THADA: variants seen among roughly 807,000 people sequenced by gnomAD.
THADA encodes the protein tRNA (32-2'-O)-methyltransferase regulator THADA.
In THADA, 213 loss-of-function variants were observed where a neutral mutation model predicts 219.8. That is an observed-to-expected ratio of 0.97 (90% CI 0.87 to 1.09). The LOEUF is 1.09. Among genes scored for constraint, THADA ranks in the 50% least tolerant of loss-of-function variants. The probability of loss-of-function intolerance (pLI) is 0.00; values close to 1 mark genes in which losing one functional copy is unlikely to be tolerated. For missense variants in THADA, 2,956 were observed against 2,311.3 expected (o/e 1.28, Z -5.72); for synonymous variants, 1,018 against 828.9 (o/e 1.23, Z -3.92).
rs1257621847 is a variant in THADA, at chr2:43,581,744, C to T, written c.718G>A (p.Asp240Asn). 6.2e-6 allele frequency: 10 copies of T among 1,607,282 alleles called. No homozygotes were observed. Among genetic ancestry groups the T allele is most frequent in the South Asian group, 3.4e-5 (3 of 89,434 alleles). Residue 240 changes from aspartate to asparagine, a missense_variant, in exon 8 of 38, where the codon GAT (aspartate) becomes AAT (asparagine). Transcript: ENST00000405975. ...LLSIFTKVLS[D>N]DDLLQTVQST... ...GTATATAATTTGTTACACTTACCAT[C>T]GCTTAAAACCTTGGTAAAAATACTC...
Position 43,591,866 on chromosome 2 carries a change from G to A in THADA, c.171+86C>T. The A allele has an allele frequency of 9.2e-6, 8 of 865,206 alleles. No homozygotes were observed. In the South Asian group the frequency reaches 1.3e-4, roughly 14 times the overall value. 53.6% of individuals were successfully genotyped at this position (865,206 alleles called of 1,614,324 possible). ...GATAAACTGATATGCAATAATTAGG[G>A]ACCAAAAACTGTCAGTGATTTTTTT... On this transcript the variant is annotated intron_variant, in intron 3 of 37. Coordinates refer to ENST00000405975, the MANE Select transcript of THADA (RefSeq NM_022065.5).
chr2:43,241,031 T>C (rs1668563920), intron 36 of THADA, among the ~76,000 whole-genome samples: 1 of 152,066 alleles, frequency 6.6e-6, no homozygotes, highest in African/African-American at 2.4e-5. Flanking sequence ...TACCTGGCCA[T>C]GATATTAAGT....
chr2:43,420,038 C>A, intron 28 of THADA, among the ~76,000 whole-genome samples: 1 of 152,336 alleles, frequency 6.6e-6, no homozygotes, highest in African/African-American at 2.4e-5. Flanking sequence ...ATAAAACTCT[C>A]CATCACAATC....
chr2:43,582,770 T>A (rs1044241130), intron 7 of THADA, among the ~76,000 whole-genome samples: 2 of 151,870 alleles, frequency 1.3e-5, no homozygotes, highest in African/African-American at 2.4e-5. Flanking sequence ...GGTTTCACCA[T>A]GTTGGCCAGG....
chr2:43,459,098 T>C (rs949400127), intron 26 of THADA, among the ~76,000 whole-genome samples: 1 of 152,174 alleles, frequency 6.6e-6, no homozygotes, highest in Non-Finnish European at 1.5e-5. Flanking sequence ...AAAATGATCA[T>C]ACTAAAGCAA....
At chr2:43,529,668 G>C (rs906076153) in intron 21 of THADA, among the ~76,000 whole-genome samples, 1 of 152,156 alleles carries the variant, frequency 6.6e-6, no homozygotes, top group African/African-American at 2.4e-5. Flanking sequence ...CAGGACCAAA[G>C]CTGTAACCAG....
At chr2:43,535,772 C>G (rs533630973) in intron 21 of THADA, among the ~76,000 whole-genome samples, 1 of 150,292 alleles carries the variant, frequency 6.7e-6, no homozygotes, top group Non-Finnish European at 1.5e-5. Context: ...TAGTCTTTAC[C>G]ATTTATTGTT....
chr2:43,575,070 G>T, intron 10 of THADA, 43 bp from the exon 11 acceptor site: 1 of 1,359,696 alleles, frequency 7.4e-7, no homozygotes, highest in Non-Finnish European at 9.9e-7. Flanking sequence ...AAACTGATTA[G>T]TAAAAGAAAT....
At chr2:43,473,674 T>G (rs28573098) in intron 26 of THADA, among the ~76,000 whole-genome samples, 1,795 of 152,024 alleles carry the variant, frequency 0.012, 39 homozygotes, top group African/African-American at 0.041. Context: ...AGTGGCGCGA[T>G]CTTGGCTCAC....
chr2:43,515,012 T>TATATATTTTATATATAATATATATAAATA (rs1558889994), intron 22 of THADA, among the ~76,000 whole-genome samples: 3 of 27,250 alleles, frequency 1.1e-4, no homozygotes, highest in African/African-American at 1.4e-4. Flanking sequence ...ATTATATATA[T>TATATATTTTATATATAATATATATAAATA]TATATATTTT....
At chr2:43,236,790 G>A (rs1429710170) in intron 36 of THADA, among the ~76,000 whole-genome samples, 2 of 150,380 alleles carry the variant, frequency 1.3e-5, no homozygotes, top group African/African-American at 4.9e-5. Context: ...GGCCGGGCAC[G>A]GTGGCTCACG....
chr2:43,422,616 C>T lies in THADA; in HGVS notation c.4058+5484G>A, dbSNP rs540698273. 2.1e-3 allele frequency among the ~76,000 whole-genome samples: 313 copies of T among 152,290 alleles called. 2 individuals carry two copies. Among genetic ancestry groups the T allele is most frequent in the Middle Eastern group, 0.014 (4 of 294 alleles). ...AAAACTGCTATGAAGCCAGATAGCC[C>T]TCATTTTGTATGTATATAATTTTGA... On this transcript the variant is annotated intron_variant, in intron 28 of 37. Transcript: ENST00000405975.
intron 21 of THADA, among the ~76,000 whole-genome samples, chr2:43,528,473 A>G (rs767231531): frequency 2.6e-5 from 4 of 152,118 alleles, no homozygotes; most frequent in Non-Finnish European, 5.9e-5. Context: ...TAATCCTCAC[A>G]GTAATTCCAT....
intron 20 of THADA, among the ~76,000 whole-genome samples, chr2:43,544,924 T>G (rs1294625553): frequency 6.0e-5 from 9 of 150,030 alleles, no homozygotes; most frequent in Non-Finnish European, 3.0e-5. Flanking sequence ...TGAATAGGAG[T>G]GGTGAGAGAG....
intron 20 of THADA, among the ~76,000 whole-genome samples, chr2:43,542,482 T>C (rs1461587815): frequency 6.6e-6 from 1 of 152,194 alleles, no homozygotes; most frequent in African/African-American, 2.4e-5. Context: ...GTGGAGAATG[T>C]AGAATATGTA....
chr2:43,475,445 A>T (rs917342163), intron 26 of THADA, among the ~76,000 whole-genome samples: 2 of 151,556 alleles, frequency 1.3e-5, no homozygotes, highest in African/African-American at 4.8e-5. Context: ...AAAAAAAAAA[A>T]ACCTAGAAAG....
intron 21 of THADA, among the ~76,000 whole-genome samples, chr2:43,533,642 A>G (rs192313737): frequency 5.8e-4 from 89 of 152,344 alleles, no homozygotes; most frequent in Middle Eastern, 3.4e-3. Context: ...ACACAGGAAC[A>G]AAAAATCAAA....
intron 35 of THADA, among the ~76,000 whole-genome samples, chr2:43,282,536 T>G (rs1423325839): frequency 6.6e-6 from 1 of 152,186 alleles, no homozygotes; most frequent in Non-Finnish European, 1.5e-5. Context: ...CCATGTCTGA[T>G]TCTTGAGGGC....
At chr2:43,404,423 C>T (rs1675282195) in intron 28 of THADA, among the ~76,000 whole-genome samples, 1 of 149,936 alleles carries the variant, frequency 6.7e-6, no homozygotes, top group South Asian at 2.1e-4. Flanking sequence ...ATACACCTGG[C>T]CTGAAGTGCT....
Sources: allele counts gnomAD v4.1 joint callset (sites outside exome capture counted in the v4.1 genomes callset), GRCh38; gene constraint gnomAD v4.1.1; transcripts MANE v1.5; gene names NCBI Gene and HGNC (gene_info 2026-07-23, HGNC 2026-07-21).